Variants in MYO7A observed in about 807,000 individuals in gnomAD.
MYO7A encodes the protein unconventional myosin-VIIa.
In MYO7A, 210 loss-of-function variants were observed where a neutral mutation model predicts 263.8. The ratio of observed to expected loss-of-function variants is 0.80; its 90% CI spans 0.71 to 0.89. The LOEUF (loss-of-function observed/expected upper bound fraction) is 0.89, where lower values mean the gene tolerates loss of function less well. Ranked by LOEUF, MYO7A falls within the 40% of genes least tolerant of loss-of-function variation. The probability of loss-of-function intolerance (pLI) is 0.00; values close to 1 mark genes in which losing one functional copy is unlikely to be tolerated. For synonymous variants in MYO7A, 1,239 were observed against 1,197.3 expected (o/e 1.03, Z -0.72); for missense variants, 2,820 against 2,968.3 (o/e 0.95, Z 1.16).
chr11:77,193,935 T>C, intron 31 of MYO7A: 1 of 449,474 alleles, frequency 2.2e-6, no homozygotes, highest in Non-Finnish European at 4.5e-6. Flanking sequence ...TGCACTTCCC[T>C]CACTCTGACC....
At position 77,190,749 on chromosome 11, in the gene MYO7A, C is replaced by A. The variant is rs375644175; in HGVS notation, c.3803C>A (p.Thr1268Asn). The A allele has an allele frequency of 1.3e-6, 2 of 1,599,638 alleles. No homozygotes were observed. Among genetic ancestry groups the A allele is most frequent in the African/African-American group, 2.7e-5 (2 of 74,566 alleles). ...TTGCCCGTGACATTCATGGATGGGA[C>A]CACCAAGACCCTGCTGACGGACTCG... ...IMLPVTFMDG[T>N]TKTLLTDSAT... The change falls in exon 30 of 49, where the codon ACC becomes AAC. Residue 1268 changes from threonine to asparagine, a missense_variant. By Grantham distance (65) the Thr-to-Asn change is moderately conservative. Coordinates refer to ENST00000409709, the MANE Select transcript of MYO7A (RefSeq NM_000260.4).
At chr11:77,149,139 C>A (rs941459860) in intron 4 of MYO7A, among the ~76,000 whole-genome samples, 1 of 152,192 alleles carries the variant, frequency 6.6e-6, no homozygotes, top group Admixed American at 6.5e-5. Flanking sequence ...GTGCCGTGCC[C>A]GGGTCACTGC....
At chr11:77,212,303 CT>C in intron 46 of MYO7A, 1 of 405,984 alleles carries the variant, frequency 2.5e-6, no homozygotes, top group Non-Finnish European at 4.9e-6. Context: ...CAGGCAGACC[CT>C]GGAAAGAGTG....
At chr11:77,141,815 T>G (rs1384206758) in intron 2 of MYO7A, among the ~76,000 whole-genome samples, 1 of 152,216 alleles carries the variant, frequency 6.6e-6, no homozygotes, top group African/African-American at 2.4e-5. Flanking sequence ...CTAGGTTGGT[T>G]GGCTCTGTCA....
At chr11:77,190,522 T>C (rs1210018825) in intron 29 of MYO7A, among the ~76,000 whole-genome samples, 175 bp from the exon 30 acceptor site, 2 of 151,484 alleles carry the variant, frequency 1.3e-5, no homozygotes, top group Admixed American at 6.6e-5. Context: ...TGGGGTGGGG[T>C]GCACAGCAGG....
chr11:77,144,999 T>C (rs542644636), intron 3 of MYO7A, among the ~76,000 whole-genome samples: 4 of 152,294 alleles, frequency 2.6e-5, no homozygotes, highest in Admixed American at 2.6e-4. Context: ...ACTGCCCTGG[T>C]TACACTTTGG....
chr11:77,179,654 C>A, intron 20 of MYO7A, 81 bp from the exon 21 acceptor site: 1 of 1,304,678 alleles, frequency 7.7e-7, no homozygotes, highest in Non-Finnish European at 1.0e-6. Flanking sequence ...GAGTGGAGGC[C>A]GGTGCCATGG....
At chr11:77,168,525 T>G (rs1252351182) in intron 15 of MYO7A, among the ~76,000 whole-genome samples, 2 of 152,196 alleles carry the variant, frequency 1.3e-5, no homozygotes, top group South Asian at 2.1e-4. Flanking sequence ...CTGGGTGTGG[T>G]GGCTCACACC....
chr11:77,195,312 C>T (rs1047040310), intron 32 of MYO7A, among the ~76,000 whole-genome samples: 4 of 152,210 alleles, frequency 2.6e-5, no homozygotes, highest in East Asian at 1.9e-4. Context: ...CCCGAACCCC[C>T]CCGAACCCCA....
At chr11:77,174,443 G>A (rs1297697409) in intron 16 of MYO7A, among the ~76,000 whole-genome samples, 3 of 152,138 alleles carry the variant, frequency 2.0e-5, no homozygotes, top group Non-Finnish European at 4.4e-5. Context: ...CTCCAGCCTT[G>A]GAATACTCCC....
At chr11:77,175,586 G>A in intron 18 of MYO7A, 122 bp downstream of exon 18, 1 of 965,898 alleles carries the variant, frequency 1.0e-6, no homozygotes, top group Non-Finnish European at 1.6e-6. Flanking sequence ...CCGGGCTGTG[G>A]TGTGGCTGGA....
chr11:77,179,359 G>A (rs1017652863), intron 20 of MYO7A, among the ~76,000 whole-genome samples: 14 of 152,228 alleles, frequency 9.2e-5, no homozygotes, highest in Non-Finnish European at 1.5e-5. Flanking sequence ...AGTGTTTTTG[G>A]GGGTTGGGAG....
At chr11:77,173,750 G>A (rs547046240) in intron 16 of MYO7A, among the ~76,000 whole-genome samples, 72 of 152,224 alleles carry the variant, frequency 4.7e-4, no homozygotes, top group African/African-American at 1.3e-3. Context: ...CTGCAAGACC[G>A]TCCCCTCCTG....
At chr11:77,166,923 G>A (rs1953600902) in intron 15 of MYO7A, among the ~76,000 whole-genome samples, 2 of 152,064 alleles carry the variant, frequency 1.3e-5, no homozygotes, top group Non-Finnish European at 2.9e-5. Flanking sequence ...ACCCTGCACC[G>A]TGGTTCCTGT....
At chr11:77,197,768 C>T (rs967008206) in intron 33 of MYO7A, among the ~76,000 whole-genome samples, 170 bp downstream of exon 33, 2 of 147,034 alleles carry the variant, frequency 1.4e-5, no homozygotes, top group East Asian at 4.0e-4. Flanking sequence ...GCTCCCAGTC[C>T]CTTGCTCTGT....
chr11:77,166,075 A>G lies in MYO7A; in HGVS notation c.1710A>G (p.Arg570=), dbSNP rs782763913. 5.6e-6 allele frequency: 9 copies of G among 1,613,698 alleles called. No individual in the cohort carries two copies. In the East Asian group the frequency reaches 1.1e-4, roughly 20 times the overall value. Residue 570 remains arginine (R), a synonymous_variant, in exon 15 of 49, where the codon CGA becomes CGG. Coordinates refer to ENST00000409709, the MANE Select transcript of MYO7A (RefSeq NM_000260.4). ...TTGCAGGCTTCCTGGAGAAGAACCGAGACACCCTGCATGGGGACATTATCC... is the reference window on the plus strand; with the variant it reads ...TTGCAGGCTTCCTGGAGAAGAACCGGGACACCCTGCATGGGGACATTATCC... ...YETQGFLEKN[R]DTLHGDIIQL...
intron 8 of MYO7A, 116 bp from the exon 9 acceptor site, chr11:77,158,161 C>T: frequency 1.6e-6 from 2 of 1,253,202 alleles, no homozygotes; most frequent in Middle Eastern, 2.8e-4. Flanking sequence ...GCCTGGGGCC[C>T]CGGGCTGGCC....
chr11:77,177,154 G>A (rs1555080487), intron 18 of MYO7A, among the ~76,000 whole-genome samples: 1 of 152,166 alleles, frequency 6.6e-6, no homozygotes, highest in Non-Finnish European at 1.5e-5. Context: ...TTAGTTAGGA[G>A]GCTGCTGCCA....
chr11:77,132,915 T>C (rs1950807606), intron 2 of MYO7A, among the ~76,000 whole-genome samples: 1 of 152,246 alleles, frequency 6.6e-6, no homozygotes, highest in African/African-American at 2.4e-5. Flanking sequence ...CCTGTGGAAC[T>C]GCAGAGCGGG....
Sources: allele counts gnomAD v4.1 joint callset (sites outside exome capture counted in the v4.1 genomes callset), GRCh38; gene constraint gnomAD v4.1.1; transcripts MANE v1.5; gene names NCBI Gene and HGNC (gene_info 2026-07-23, HGNC 2026-07-21).